ADCY4: variants seen among roughly 807,000 people sequenced by gnomAD.
ADCY4 encodes adenylate cyclase type 4.
A neutral mutation model predicts 125.5 loss-of-function variants in ADCY4; 111 were observed. That is an observed-to-expected ratio of 0.88 (90% CI 0.76 to 1.04). ADCY4 has a LOEUF of 1.04. Among genes scored for constraint, ADCY4 ranks in the 50% least tolerant of loss-of-function variants. The probability of loss-of-function intolerance (pLI) is 0.00; values close to 1 mark genes in which losing one functional copy is unlikely to be tolerated. For synonymous variants in ADCY4, 576 were observed against 586.9 expected, an observed-to-expected ratio of 0.98 and a Z score of 0.27; for missense variants, 1,256 against 1,382.9, an observed-to-expected ratio of 0.91 and a Z score of 1.46.
chr14:24,322,308 C>T (rs1470472296), intron 19 of ADCY4, 84 bp from the exon 20 acceptor site: 6 of 1,471,640 alleles, frequency 4.1e-6, no homozygotes, highest in South Asian at 1.3e-5. Flanking sequence ...CTCCATGATG[C>T]CTGAAACCAC....
At chr14:24,333,134 G>A in intron 1 of ADCY4, 146 bp from the exon 2 acceptor site, 1 of 717,162 alleles carries the variant, frequency 1.4e-6, no homozygotes, top group Non-Finnish European at 2.1e-6. Flanking sequence ...ACCTCCGCTT[G>A]CCATTCACTT....
rs748896811 is a variant in ADCY4, at chr14:24,329,844, G to A, written c.1217+16C>T. 1.9e-6 allele frequency: 3 copies of A among 1,608,194 alleles called. No individual in the cohort carries two copies. The highest frequency in any genetic ancestry group is 1.1e-5 in the South Asian group (1 of 90,760). Reference sequence around the variant, plus strand: ...GTTGGCCTTCTGCTGTAGCTGCCTAGGGCCCTAGGTCTCACCCTGGTACAC... The same window carrying A: ...GTTGGCCTTCTGCTGTAGCTGCCTAAGGCCCTAGGTCTCACCCTGGTACAC... On this transcript the variant is annotated intron_variant, in intron 8 of 24. Transcript: ENST00000418030.
At chr14:24,320,931 A>G (rs1238968060) in intron 20 of ADCY4, among the ~76,000 whole-genome samples, 1 of 152,134 alleles carries the variant, frequency 6.6e-6, no homozygotes, top group Non-Finnish European at 1.5e-5. Context: ...TGTATCCTCT[A>G]GACCAGCAGT....
At chr14:24,332,039 G>A in intron 3 of ADCY4, 102 bp from the exon 4 acceptor site, 1 of 1,346,074 alleles carries the variant, frequency 7.4e-7, no homozygotes, top group South Asian at 1.7e-5. Flanking sequence ...GGGCTTTACA[G>A]TGAGGGACCT....
At position 24,323,373 on chromosome 14, in the gene ADCY4, G is replaced by A. The variant is rs1389955482; in HGVS notation, c.2128C>T (p.Pro710Ser). Residue 710 changes from proline to serine, a missense_variant, in exon 17 of 25, where the codon CCT becomes TCT. Physicochemically the swap from Pro to Ser is moderately conservative, Grantham distance 74 (BLOSUM62 -1). Coordinates refer to ENST00000418030, the MANE Select transcript of ADCY4 (RefSeq NM_001198568.2). ...ACACTGATGAGAGGCAGAGACCCAG[G>A]GAGCTCCCAGGAGAGGTTGGAAATC... The part of the protein sequence containing the change: ...SMISNLSWEL[P>S]GSLPLISVPY... 1.9e-6 allele frequency: 3 copies of A among 1,556,412 alleles called. No homozygotes were observed. The highest frequency in any genetic ancestry group is 3.3e-4 in the Middle Eastern group (2 of 5,996).
At chr14:24,331,438 C>T in intron 4 of ADCY4, 82 bp from the exon 5 acceptor site, 1 of 1,573,320 alleles carries the variant, frequency 6.4e-7, no homozygotes, top group Non-Finnish European at 8.6e-7. Context: ...CAGGAGCCCA[C>T]ACTGCCCATC....
At chr14:24,328,926 G>A in intron 10 of ADCY4, 135 bp downstream of exon 10, 2 of 1,171,988 alleles carry the variant, frequency 1.7e-6, no homozygotes, top group Non-Finnish European at 1.2e-6. Context: ...TGACAAGACA[G>A]TTCGGGACTT....
At chr14:24,333,308 C>A (rs952066195) in intron 1 of ADCY4, among the ~76,000 whole-genome samples, 6 of 152,148 alleles carry the variant, frequency 3.9e-5, no homozygotes, top group Non-Finnish European at 2.9e-5. Context: ...GCAACCTCTG[C>A]CTCCCGGGTT....
intron 8 of ADCY4, 93 bp from the exon 9 acceptor site, chr14:24,329,626 A>ACATCT (rs1352784234): frequency 1.5e-5 from 22 of 1,468,860 alleles, no homozygotes; most frequent in African/African-American, 4.3e-5. Context: ...GAACTGACAA[A>ACATCT]CATCTCATGT....
Position 24,318,790 on chromosome 14 carries a change from T to G in ADCY4, c.2957-12A>C, listed in dbSNP as rs1282209499. The G allele has an allele frequency of 2.5e-6, 4 of 1,613,792 alleles. No individual in the cohort carries two copies. Among genetic ancestry groups the G allele is most frequent in the Non-Finnish European group, 3.4e-6 (4 of 1,179,938 alleles). On this transcript the variant is annotated splice_polypyrimidine_tract_variant and intron_variant, in intron 23 of 24. Transcript: ENST00000418030. The stretch of plus-strand genomic sequence containing the variant: ...TCCATGGTTCAACCCTAATGAGGGA[T>G]GTGGTAATGACAGACTTGGAGAAGG...
intron 10 of ADCY4, among the ~76,000 whole-genome samples, chr14:24,328,121 G>A (rs1406554238): frequency 1.3e-5 from 2 of 152,030 alleles, no homozygotes; most frequent in Non-Finnish European, 2.9e-5. Context: ...TTGGTCTAGC[G>A]GTGACGCCAG....
chr14:24,333,835 C>CA (rs2042089572), intron 1 of ADCY4, among the ~76,000 whole-genome samples: 1 of 152,112 alleles, frequency 6.6e-6, no homozygotes, highest in Non-Finnish European at 1.5e-5. Flanking sequence ...CCCTGGCCAC[C>CA]AGGGCTGCGA....
At chr14:24,322,752 C>G (rs777095088) in intron 18 of ADCY4, 44 bp from the exon 19 acceptor site, 21 of 1,599,936 alleles carry the variant, frequency 1.3e-5, no homozygotes, top group Admixed American at 1.7e-5. Context: ...TTTCCCCCTT[C>G]CTGGCCTTCT....
rs1030892282 is a variant in ADCY4 at position 24,319,520 on chromosome 14, G to A, written c.2734-84C>T. The A allele has an allele frequency of 4.2e-6, 6 of 1,440,872 alleles. No individual in the cohort carries two copies. The African/African-American group carries it at 4.2e-5, about 10-fold the overall frequency. The allele number at this position is 1,440,872 out of a possible 1,614,324, so 89.3% of individuals were successfully genotyped here. On this transcript the variant is annotated intron_variant, in intron 21 of 24. Transcript: ENST00000418030. The surrounding 1 kb of genome is among the most constrained non-coding windows in gnomAD (Gnocchi z 4.5). ...AGAAGCCCAGCCCCAAGCCTTTGGAGTTAAAGGATCAGGCTGTGGGAGTGG... is the reference window on the plus strand; with the variant it reads ...AGAAGCCCAGCCCCAAGCCTTTGGAATTAAAGGATCAGGCTGTGGGAGTGG...
chr14:24,328,938 G>T, intron 10 of ADCY4, 123 bp downstream of exon 10: 2 of 1,261,734 alleles, frequency 1.6e-6, no homozygotes, highest in Non-Finnish European at 2.2e-6. Context: ...TCGGGACTTT[G>T]GGATGTCACA....
intron 9 of ADCY4, 63 bp from the exon 10 acceptor site, chr14:24,329,297 C>G (rs11626704): frequency 0.019 from 29,884 of 1,587,094 alleles, 360 homozygotes; most frequent in Non-Finnish European, 0.023. Flanking sequence ...CTCCACCCCC[C>G]ACTAGGACCC....
chr14:24,319,119 T>C lies in ADCY4; in HGVS notation c.2935A>G (p.Asn979Asp), dbSNP rs1419294180. 6.2e-7 allele frequency: 1 copy of C among 1,613,856 alleles called. No homozygotes were observed. The highest frequency in any genetic ancestry group is 8.5e-7 in the Non-Finnish European group (1 of 1,180,000). The change falls in exon 23 of 25, where the codon AAC (asparagine) becomes GAC (aspartate). Residue 979 changes from asparagine (N) to aspartate (D), a missense_variant. Coordinates refer to ENST00000418030, the MANE Select transcript of ADCY4 (RefSeq NM_001198568.2). This position sits in a 1 kb window ranked among gnomAD's most constrained non-coding sequence, Gnocchi z 4.5. The stretch of plus-strand genomic sequence containing the variant: ...TCACCCACTCGCAGGCGGAAGTTGT[T>C]GAATGAATGCTTGTTGATGACGTCC... ...KLDVINKHSF[N>D]NFRLRVGLNH... is the part of the protein sequence containing the mutation.
chr14:24,325,815 C>T lies in ADCY4; in HGVS notation c.1725+3G>A, dbSNP rs1306966638. The stretch of plus-strand genomic sequence containing the variant: ...GTTTGGTGCCACCCACACCACAGCC[C>T]ACCTCTTTCTCCATCTCCTTCTCTC... On this transcript the variant is annotated splice_donor_region_variant and intron_variant, in intron 13 of 24. Coordinates refer to ENST00000418030, the MANE Select transcript of ADCY4 (RefSeq NM_001198568.2). 1 of 1,593,452 alleles carries T rather than the reference C, an allele frequency of 6.3e-7. No individual in the cohort carries two copies. The highest frequency in any genetic ancestry group is 8.6e-7 in the Non-Finnish European group (1 of 1,167,702).
intron 13 of ADCY4, 134 bp downstream of exon 13, chr14:24,325,684 G>T: frequency 1.8e-6 from 2 of 1,104,390 alleles, no homozygotes; most frequent in Non-Finnish European, 2.6e-6. Flanking sequence ...TTCCTTTAGA[G>T]AGAGGCACAA....
Sources: allele counts gnomAD v4.1 joint callset (sites outside exome capture counted in the v4.1 genomes callset), GRCh38; gene constraint gnomAD v4.1.1; non-coding constraint Gnocchi (gnomAD v3.1); transcripts MANE v1.5; gene names NCBI Gene and HGNC (gene_info 2026-07-23, HGNC 2026-07-21).